UTP18: variants seen among roughly 807,000 people sequenced by gnomAD.
UTP18 encodes the protein U3 small nucleolar RNA-associated protein 18 homolog.
UTP18 carries 36 observed loss-of-function variants against 61.1 expected under a neutral mutation model. That is an observed-to-expected ratio of 0.59 (90% confidence interval 0.45 to 0.78). The LOEUF is 0.78. UTP18 is among the 30% of genes least tolerant of loss of function. The pLI is 0.00. For missense variants in UTP18, 753 were observed against 693.9 expected, an observed-to-expected ratio of 1.09 and a Z score of -0.96; for synonymous variants, 282 against 251.1, an observed-to-expected ratio of 1.12 and a Z score of -1.16.
At chr17:51,296,859 C>T (rs1905380656) in intron 12 of UTP18, 106 bp from the exon 13 acceptor site, 2 of 1,040,836 alleles carry the variant, frequency 1.9e-6, no homozygotes, top group Non-Finnish European at 1.4e-6. Flanking sequence ...ATTGTGATTA[C>T]ATATTTTTCC....
intron 1 of UTP18, among the ~76,000 whole-genome samples, chr17:51,262,107 A>G (rs933106607): frequency 5.2e-4 from 77 of 147,774 alleles, no homozygotes; most frequent in Non-Finnish European, 1.1e-3. Context: ...TTTTTTTTTT[A>G]GACTCGCCCT....
chr17:51,277,394 G>T, intron 7 of UTP18, 90 bp downstream of exon 7: 4 of 1,393,094 alleles, frequency 2.9e-6, no homozygotes, highest in Non-Finnish European at 3.9e-6. Context: ...CACTCCATAG[G>T]ATTCTTAAAA....
At chr17:51,281,158 A>T (rs988794053) in intron 9 of UTP18, among the ~76,000 whole-genome samples, 8 of 93,000 alleles carry the variant, frequency 8.6e-5, no homozygotes, top group African/African-American at 2.9e-4. Context: ...ATATATATAT[A>T]TATATATTTT....
At chr17:51,265,966 G>T (rs2055556576) in intron 2 of UTP18, among the ~76,000 whole-genome samples, 1 of 152,190 alleles carries the variant, frequency 6.6e-6, no homozygotes, top group African/African-American at 2.4e-5. Context: ...TTCTCAAATA[G>T]TAGCTCTCCA....
chr17:51,295,977 C>T (rs1251871368), intron 12 of UTP18, among the ~76,000 whole-genome samples: 3 of 152,202 alleles, frequency 2.0e-5, no homozygotes, highest in African/African-American at 7.2e-5. Flanking sequence ...ATTCAGTTTA[C>T]TCCACTAGAT....
At chr17:51,287,941 A>G in intron 10 of UTP18, 88 bp from the exon 11 acceptor site, 2 of 1,002,708 alleles carry the variant, frequency 2.0e-6, no homozygotes, top group Non-Finnish European at 1.4e-6. Flanking sequence ...TGTAAATACC[A>G]GTTTGTGGGG....
At chr17:51,274,362 A>T (rs1261622107) in intron 5 of UTP18, among the ~76,000 whole-genome samples, 1 of 152,192 alleles carries the variant, frequency 6.6e-6, no homozygotes, top group Non-Finnish European at 1.5e-5. Context: ...TTAGTTAAAT[A>T]TCTGTCATAC....
rs1350315686 is a variant in UTP18 at position 51,285,298 on chromosome 17, T to G, written c.1258T>G (p.Phe420Val). 1.5e-5 allele frequency: 25 copies of G among 1,613,808 alleles called. No individual in the cohort carries two copies. Among genetic ancestry groups the G allele is most frequent in the Non-Finnish European group, 2.1e-5 (25 of 1,179,920 alleles). ...DVNSRKCLNR[F>V]VDEGSLYGLS... is the part of the protein sequence containing the mutation. ...GAACTCAAGGAAGTGCCTTAACAGATTTGTTGATGAAGGCAGTTTATATGG... is the reference window on the plus strand; with the variant it reads ...GAACTCAAGGAAGTGCCTTAACAGAGTTGTTGATGAAGGCAGTTTATATGG... The change falls in exon 10 of 14, where the codon TTT (phenylalanine) becomes GTT (valine). Residue 420 changes from phenylalanine (F) to valine (V), a missense_variant. Phe to Val is a conservative substitution (Grantham distance 50, BLOSUM62 -1). Transcript: ENST00000225298.
rs750894368 is a variant in UTP18 at position 51,279,988 on chromosome 17, T to C, written c.1013-17T>C. 107 of 1,590,940 alleles carry C rather than the reference T, an allele frequency of 6.7e-5. No individual in the cohort carries two copies. The highest frequency in any genetic ancestry group is 9.0e-5 in the Non-Finnish European group (105 of 1,163,942). On this transcript the variant is annotated splice_polypyrimidine_tract_variant and intron_variant, in intron 7 of 13. Coordinates refer to ENST00000225298, the MANE Select transcript of UTP18 (RefSeq NM_016001.3). ...ACTATATAAAACTTTATTTAATTGC[T>C]TCATTTCCTATTTTAGGTTTGAAAG... is the stretch of plus-strand genomic sequence containing the variant.
At chr17:51,261,212 G>C (rs1212781433) in intron 1 of UTP18, among the ~76,000 whole-genome samples, 1 of 152,210 alleles carries the variant, frequency 6.6e-6, no homozygotes, top group African/African-American at 2.4e-5. Context: ...TTTCGCTGCT[G>C]CTCGACTCCG....
intron 9 of UTP18, among the ~76,000 whole-genome samples, chr17:51,282,591 A>G (rs1436107772): frequency 1.3e-5 from 2 of 151,646 alleles, no homozygotes; most frequent in African/African-American, 2.4e-5. Flanking sequence ...GCCCTGGTAG[A>G]GAGAGAGTCG....
chr17:51,268,786 A>T (rs1223289851), intron 3 of UTP18, 51 bp from the exon 4 acceptor site: 1 of 1,482,088 alleles, frequency 6.7e-7, no homozygotes, highest in South Asian at 1.1e-5. Flanking sequence ...ATCAAGCTTT[A>T]TGGACATGTA....
At chr17:51,277,969 C>T (rs746307273) in intron 7 of UTP18, among the ~76,000 whole-genome samples, 4 of 152,150 alleles carry the variant, frequency 2.6e-5, no homozygotes, top group Non-Finnish European at 5.9e-5. Flanking sequence ...TGGCGTATGG[C>T]ACGGCTCACT....
At position 51,275,928 on chromosome 17, in the gene UTP18, G is replaced by C. The variant is rs1485268713; in HGVS notation, c.774G>C (p.Gln258His). The C allele has an allele frequency of 1.2e-6, 2 of 1,613,268 alleles. No individual in the cohort carries two copies. The highest frequency in any genetic ancestry group is 1.7e-5 in the Admixed American group (1 of 59,780). The change falls in exon 6 of 14, where the codon CAG becomes CAC. Residue 258 changes from glutamine (Q) to histidine (H), a missense_variant. Coordinates refer to ENST00000225298, the MANE Select transcript of UTP18 (RefSeq NM_016001.3). ...CTGTTGCTCGGATCTCATCTGTGCA[G>C]TTCCATCCCGGTGCACAGATTGTGA... ...RPTVARISSVQFHPGAQIVMV... is the reference protein window; with the variant it reads ...RPTVARISSVHFHPGAQIVMV...
At chr17:51,274,117 T>C (rs1204581340) in intron 5 of UTP18, among the ~76,000 whole-genome samples, 1 of 152,206 alleles carries the variant, frequency 6.6e-6, no homozygotes, top group Non-Finnish European at 1.5e-5. Flanking sequence ...AGCCTTTTTC[T>C]GTTTCTTGGA....
chr17:51,270,690 G>T (rs1194975546), intron 4 of UTP18, among the ~76,000 whole-genome samples: 1 of 152,066 alleles, frequency 6.6e-6, no homozygotes, highest in Non-Finnish European at 1.5e-5. Flanking sequence ...GAGAAAGAGG[G>T]GATTTTTATT....
intron 12 of UTP18, among the ~76,000 whole-genome samples, chr17:51,294,464 C>G (rs1026444903): frequency 6.6e-6 from 1 of 151,128 alleles, no homozygotes; most frequent in Non-Finnish European, 1.5e-5. Flanking sequence ...GTTTTTTGCC[C>G]TTGTGATAGT....
At chr17:51,289,481 A>G (rs564907707) in intron 11 of UTP18, among the ~76,000 whole-genome samples, 1 of 151,348 alleles carries the variant, frequency 6.6e-6, no homozygotes, top group African/African-American at 2.4e-5. Flanking sequence ...TGCTGGGATT[A>G]CAGGAGTGAG....
At chr17:51,290,319 G>GGC (rs1490194962) in intron 11 of UTP18, among the ~76,000 whole-genome samples, 1 of 152,132 alleles carries the variant, frequency 6.6e-6, no homozygotes, top group Non-Finnish European at 1.5e-5. Context: ...AGGAGGCTGA[G>GGC]GCAGGAGAAT....
Sources: allele counts gnomAD v4.1 joint callset (sites outside exome capture counted in the v4.1 genomes callset), GRCh38; gene constraint gnomAD v4.1.1; transcripts MANE v1.5; gene names NCBI Gene and HGNC (gene_info 2026-07-23, HGNC 2026-07-21).